The following RRN3 variants were observed in gnomAD, a reference collection of about 807,000 sequenced individuals.
RRN3 encodes RNA polymerase I transcription factor RRN3, also known as RNA polymerase I-specific transcription initiation factor RRN3.
A neutral mutation model predicts 82.3 loss-of-function variants in RRN3; 38 were observed. The ratio of observed to expected loss-of-function variants is 0.46; its 90% CI spans 0.36 to 0.61. The LOEUF (loss-of-function observed/expected upper bound fraction) is 0.61. Among genes scored for constraint, RRN3 ranks in the 20% least tolerant of loss-of-function variants. The pLI, the probability that RRN3 is intolerant of heterozygous loss-of-function variation, is 0.00. For synonymous variants in RRN3, 284 were observed against 284.3 expected (o/e 1.00, Z 0.01); for missense variants, 726 against 793.1 (o/e 0.92, Z 1.02).
intron 10 of RRN3, chr16:15,076,355 C>T (rs1289250450): frequency 5.0e-6 from 3 of 601,876 alleles, no homozygotes; most frequent in African/African-American, 3.7e-5. Context: ...TTCACCAAAC[C>T]CAAATTCAAA....
intron 2 of RRN3, among the ~76,000 whole-genome samples, chr16:15,091,664 A>G (rs191520207): frequency 6.6e-6 from 1 of 152,368 alleles, no homozygotes; most frequent in African/African-American, 2.4e-5. Flanking sequence ...GAGGGAAAAA[A>G]ACAGCCAGCT....
rs551830677 is a variant in RRN3 at position 15,066,301 on chromosome 16, A to G, written c.1554-930T>C. On this transcript the variant is annotated intron_variant, in intron 15 of 17. Coordinates refer to ENST00000198767, the MANE Select transcript of RRN3 (RefSeq NM_018427.5). ...ACTTCCGGGTGTGTGACAAGGAAGCATGTGCCCACACACAAGAATGTTCCT... is the reference window on the plus strand; with the variant it reads ...ACTTCCGGGTGTGTGACAAGGAAGCGTGTGCCCACACACAAGAATGTTCCT... Among the ~76,000 whole-genome samples, 7 of 151,144 alleles carry G rather than the reference A, an allele frequency of 4.6e-5. No individual in the cohort carries two copies. The East Asian group carries it at 5.9e-4, about 13-fold the overall frequency.
intron 11 of RRN3, 185 bp downstream of exon 11, chr16:15,074,538 T>C (rs899503925): frequency 1.3e-5 from 6 of 467,598 alleles, no homozygotes; most frequent in African/African-American, 1.2e-4. Context: ...TCAGCCAGAA[T>C]CCCAGTCCCA....
Position 15,080,746 on chromosome 16 carries a change from C to T in RRN3, c.667-650G>A, listed in dbSNP as rs150888796. ...CAGCAATTTTGTAACATTTTAATCA[C>T]GCTAAAAAGAAATCCTACATCCATT... On this transcript the variant is annotated intron_variant, in intron 8 of 17. Transcript: ENST00000198767. Among the ~76,000 whole-genome samples the T allele has an allele frequency of 4.3e-3, 648 of 152,194 alleles. 5 individuals carry two copies. The highest frequency in any genetic ancestry group is 0.017 in the Middle Eastern group (5 of 294).
Position 15,073,209 on chromosome 16 carries a change from C to T in RRN3, c.998-129G>A, listed in dbSNP as rs533325879. On this transcript the variant is annotated intron_variant, in intron 11 of 17. Transcript: ENST00000198767. ...AGCCAAGCACAGTGGCTCCTGCCTG[C>T]AATCCCAGCACTTTGGGAGGCCAAA... is the stretch of plus-strand genomic sequence containing the variant. 1.9e-5 allele frequency: 20 copies of T among 1,050,584 alleles called. No homozygotes were observed. The South Asian group carries it at 2.6e-4, about 13-fold the overall frequency. 65.1% of individuals were successfully genotyped at this position (1,050,584 alleles called of 1,614,324 possible). A position where few individuals can be genotyped will look rare whatever the true frequency, so the allele number is the denominator to read the frequency against.
intron 14 of RRN3, among the ~76,000 whole-genome samples, chr16:15,069,065 A>G (rs1358151644): frequency 5.9e-5 from 9 of 152,248 alleles, no homozygotes; most frequent in Non-Finnish European, 1.2e-4. Flanking sequence ...CTACTAGTTC[A>G]TACAACATCT....
At chr16:15,083,313 C>T (rs1354651489) in intron 8 of RRN3, among the ~76,000 whole-genome samples, 200 bp downstream of exon 8, 3 of 152,062 alleles carry the variant, frequency 2.0e-5, no homozygotes, top group South Asian at 2.1e-4. Flanking sequence ...GCAGGAGAAT[C>T]GCTTGAACCC....
At chr16:15,085,225 T>G (rs537746491) in intron 6 of RRN3, among the ~76,000 whole-genome samples, 3 of 152,334 alleles carry the variant, frequency 2.0e-5, no homozygotes, top group Admixed American at 6.5e-5. Context: ...TCAGGACAAA[T>G]GACTGCATAT....
At chr16:15,084,830 C>A (rs1193556703) in intron 6 of RRN3, 125 bp from the exon 7 acceptor site, 4 of 724,120 alleles carry the variant, frequency 5.5e-6, no homozygotes, top group Non-Finnish European at 9.9e-6. Context: ...CTTTGGGAGG[C>A]CGAGGTGGGT....
intron 2 of RRN3, 141 bp downstream of exon 2, chr16:15,092,368 G>A (rs1252789649): frequency 4.6e-6 from 3 of 656,290 alleles, no homozygotes; most frequent in Non-Finnish European, 8.3e-6. Context: ...ATTTTGCACT[G>A]ACGGCATCAT....
chr16:15,086,012 C>T, intron 5 of RRN3, 117 bp downstream of exon 5: 1 of 704,902 alleles, frequency 1.4e-6, no homozygotes, highest in Non-Finnish European at 2.4e-6. Flanking sequence ...TCTACCAGAC[C>T]TGGTGCCAAT....
At chr16:15,092,721 T>C in intron 1 of RRN3, 107 bp from the exon 2 acceptor site, 1 of 717,146 alleles carries the variant, frequency 1.4e-6, no homozygotes, top group Non-Finnish European at 2.4e-6. Flanking sequence ...TGTTAAGGCC[T>C]CTTTACTGGT....
intron 10 of RRN3, among the ~76,000 whole-genome samples, chr16:15,075,576 T>C (rs565727200): frequency 9.2e-6 from 1 of 108,934 alleles, no homozygotes; most frequent in African/African-American, 2.8e-5. Context: ...CTGTCTCAAA[T>C]TAAAAAAGAA....
In RRN3 at chr16:15,061,570, A is replaced by T. The variant is rs1012021091; in HGVS notation, c.*174T>A. 6.3e-5 allele frequency: 32 copies of T among 506,930 alleles called. 1 individual carries two copies. In the Middle Eastern group the frequency reaches 1.6e-3, roughly 25 times the overall value. The allele number at this position is 506,930 out of a possible 1,614,324, so 31.4% of individuals were successfully genotyped here. A position where few individuals can be genotyped will look rare whatever the true frequency, so the allele number is the denominator to read the frequency against. ...TGTCTGTAAGGGGAACAACAACAACAAAAAAACCCAGTCTTCAGATGCTTG... is the reference window on the plus strand; with the variant it reads ...TGTCTGTAAGGGGAACAACAACAACTAAAAAACCCAGTCTTCAGATGCTTG... On this transcript the variant is annotated 3_prime_UTR_variant, in exon 18 of 18. Coordinates refer to ENST00000198767, the MANE Select transcript of RRN3 (RefSeq NM_018427.5).
intron 8 of RRN3, among the ~76,000 whole-genome samples, chr16:15,082,466 AG>A (rs2045748196): frequency 6.6e-6 from 1 of 152,062 alleles, no homozygotes; most frequent in Non-Finnish European, 1.5e-5. Flanking sequence ...TGAGGTCAGG[AG>A]TTCAAGACCA....
At chr16:15,071,576 T>C (rs952996927) in intron 12 of RRN3, among the ~76,000 whole-genome samples, 2 of 152,192 alleles carry the variant, frequency 1.3e-5, no homozygotes, top group African/African-American at 4.8e-5. Flanking sequence ...GAGACCAGCC[T>C]GGCCAACATG....
chr16:15,079,879 G>C (rs1009462713), intron 9 of RRN3, 119 bp downstream of exon 9: 6 of 1,211,814 alleles, frequency 5.0e-6, no homozygotes, highest in African/African-American at 1.6e-5. Flanking sequence ...ATACAGGCGT[G>C]AGTCACCACG....
At chr16:15,069,672 T>G (rs370901399) in intron 14 of RRN3, among the ~76,000 whole-genome samples, 16 of 152,192 alleles carry the variant, frequency 1.1e-4, no homozygotes, top group Non-Finnish European at 1.8e-4. Flanking sequence ...TGTGCTTTAG[T>G]GCTGTCTGTA....
chr16:15,066,706 A>C (rs2044991819), intron 15 of RRN3, among the ~76,000 whole-genome samples: 1 of 151,616 alleles, frequency 6.6e-6, no homozygotes, highest in African/African-American at 2.4e-5. Context: ...AGATTCCCAG[A>C]ACATAACACA....
Sources: allele counts gnomAD v4.1 joint callset (sites outside exome capture counted in the v4.1 genomes callset), GRCh38; gene constraint gnomAD v4.1.1; transcripts MANE v1.5; gene names NCBI Gene and HGNC (gene_info 2026-07-23, HGNC 2026-07-21).